SPEF2: variants seen among roughly 807,000 people sequenced by gnomAD.
SPEF2 encodes sperm flagella and cilia-associated protein 2.
A neutral mutation model predicts 224.6 loss-of-function variants in SPEF2; 187 were observed. The observed-to-expected ratio is 0.83, with a 90% CI of 0.74 to 0.94. SPEF2 has a LOEUF of 0.94. Among genes scored for constraint, SPEF2 ranks in the 40% least tolerant of loss-of-function variants. SPEF2 has a pLI of 0.00. For synonymous variants in SPEF2, 715 were observed against 707.3 expected (o/e 1.01, Z -0.17); for missense variants, 2,170 against 2,135.6 (o/e 1.02, Z -0.32).
chr5:35,624,266 A>G (rs1263895294), intron 1 of SPEF2, among the ~76,000 whole-genome samples: 1 of 152,242 alleles, frequency 6.6e-6, no homozygotes, highest in Non-Finnish European at 1.5e-5. Flanking sequence ...GGCTGAGAAG[A>G]TTAGAGGCAG....
At chr5:35,657,944 C>T (rs1749176811) in intron 7 of SPEF2, among the ~76,000 whole-genome samples, 1 of 152,208 alleles carries the variant, frequency 6.6e-6, no homozygotes, top group Admixed American at 6.5e-5. Flanking sequence ...TCCTGCAGTG[C>T]CCTATTCCTC....
chr5:35,805,681 A>C (rs1757966226), intron 34 of SPEF2, among the ~76,000 whole-genome samples: 1 of 152,228 alleles, frequency 6.6e-6, no homozygotes, highest in Non-Finnish European at 1.5e-5. Flanking sequence ...GAATGTAAGA[A>C]GCACAAAGCA....
At position 35,712,796 on chromosome 5, in the gene SPEF2, G is replaced by A. The variant is rs1741436440; in HGVS notation, c.2840-16G>A. ...AGTAAATCATCAATGATTTTTGTGT[G>A]TCGAATTTTGTTTAGAAGCCCCGCA... On this transcript the variant is annotated splice_polypyrimidine_tract_variant and intron_variant, in intron 19 of 36. Transcript: ENST00000356031. 1 of 1,613,112 alleles carries A rather than the reference G, an allele frequency of 6.2e-7. No homozygotes were observed. Among genetic ancestry groups the A allele is most frequent in the Admixed American group, 1.7e-5 (1 of 59,942 alleles).
Position 35,622,494 on chromosome 5 carries a change from C to T in SPEF2, c.58+4439C>T, listed in dbSNP as rs557349536. Among the ~76,000 whole-genome samples the T allele has an allele frequency of 8.5e-5, 13 of 152,288 alleles. No homozygotes were observed. In the South Asian group the frequency reaches 2.1e-3, roughly 24 times the overall value. Reference sequence around the variant, plus strand: ...TGGACATCATTTAATTCTTCTTTAGCAGATGAGGAAATCTAATCAGATGTG... The same window carrying T: ...TGGACATCATTTAATTCTTCTTTAGTAGATGAGGAAATCTAATCAGATGTG... On this transcript the variant is annotated intron_variant, in intron 1 of 36. Transcript: ENST00000356031.
At position 35,646,653 on chromosome 5, in the gene SPEF2, T is replaced by C. The variant is rs1216093814; in HGVS notation, c.586-14T>C. On this transcript the variant is annotated splice_polypyrimidine_tract_variant and intron_variant, in intron 4 of 36. Coordinates refer to ENST00000356031, the MANE Select transcript of SPEF2 (RefSeq NM_024867.4). The stretch of plus-strand genomic sequence containing the variant: ...TATTCTGAATCACTAAACTAATGTA[T>C]ATGGGATATTCAGCAATACTTAAAC... 3.7e-6 allele frequency: 6 copies of C among 1,611,706 alleles called. No homozygotes were observed. The highest frequency in any genetic ancestry group is 1.3e-5 in the African/African-American group (1 of 74,786).
intron 27 of SPEF2, 151 bp downstream of exon 27, chr5:35,771,907 G>T: frequency 1.0e-6 from 1 of 1,002,862 alleles, no homozygotes; most frequent in Non-Finnish European, 1.4e-6. Flanking sequence ...ATGATTTGTG[G>T]TGTTAGTGGC....
intron 10 of SPEF2, among the ~76,000 whole-genome samples, chr5:35,689,660 A>G (rs908230990): frequency 2.6e-5 from 4 of 152,120 alleles, no homozygotes; most frequent in African/African-American, 4.8e-5. Context: ...AGCTGCACCC[A>G]TATTGCTGCT....
chr5:35,635,054 T>A (rs1452367598), intron 2 of SPEF2, among the ~76,000 whole-genome samples: 1 of 152,078 alleles, frequency 6.6e-6, no homozygotes, highest in Non-Finnish European at 1.5e-5. Context: ...CAGGTGGAAT[T>A]TCTCTGATGT....
intron 12 of SPEF2, among the ~76,000 whole-genome samples, chr5:35,693,839 G>A (rs1212035362): frequency 6.6e-6 from 1 of 152,080 alleles, no homozygotes; most frequent in Non-Finnish European, 1.5e-5. Context: ...TTTATGGTGG[G>A]CTATCTCTTC....
intron 23 of SPEF2, among the ~76,000 whole-genome samples, chr5:35,743,691 CT>C (rs5867286): frequency 0.27 from 40,021 of 149,928 alleles, 5,774 homozygotes; most frequent in Non-Finnish European, 0.33. Context: ...CACTCTATTC[CT>C]TTTTTTTTTA....
chr5:35,619,455 G>A (rs998913700), intron 1 of SPEF2, among the ~76,000 whole-genome samples: 1 of 152,104 alleles, frequency 6.6e-6, no homozygotes, highest in Admixed American at 6.5e-5. Context: ...GGCCGAGGTG[G>A]GCAGATCATG....
chr5:35,764,273 G>A (rs1340156655), intron 26 of SPEF2, among the ~76,000 whole-genome samples: 1 of 151,972 alleles, frequency 6.6e-6, no homozygotes, highest in Non-Finnish European at 1.5e-5. Flanking sequence ...AGTTACCTAT[G>A]GGGTAAGTAT....
Position 35,675,761 on chromosome 5 carries a change from G to T in SPEF2, c.1524+5534G>T, listed in dbSNP as rs137898392. On this transcript the variant is annotated intron_variant, in intron 10 of 36. Transcript: ENST00000356031. ...CTTATTTGTAGTAATCAAGCACACT[G>T]ATTCTAACTTAACAGAGCAGAACAT... is the stretch of plus-strand genomic sequence containing the variant. 44 of 338,032 alleles carry T rather than the reference G, an allele frequency of 1.3e-4. No individual in the cohort carries two copies. In the East Asian group the frequency reaches 1.3e-3, roughly 10 times the overall value. 20.9% of individuals were successfully genotyped at this position (338,032 alleles called of 1,614,324 possible).
At chr5:35,669,580 T>G (rs1750951126) in intron 9 of SPEF2, among the ~76,000 whole-genome samples, 1 of 152,154 alleles carries the variant, frequency 6.6e-6, no homozygotes. Flanking sequence ...TAATAGCTAG[T>G]AAAATGTCCG....
At chr5:35,765,403 T>C (rs1044677456) in intron 26 of SPEF2, among the ~76,000 whole-genome samples, 1 of 152,200 alleles carries the variant, frequency 6.6e-6, no homozygotes, top group Non-Finnish European at 1.5e-5. Flanking sequence ...TGAATGCTTG[T>C]ACATGTCTCC....
At chr5:35,713,485 C>A (rs1741624492) in intron 20 of SPEF2, among the ~76,000 whole-genome samples, 1 of 151,634 alleles carries the variant, frequency 6.6e-6, no homozygotes, top group Non-Finnish European at 1.5e-5. Context: ...CCTGTAATCC[C>A]ATCAGTTTGG....
rs1349853052 is a variant in SPEF2 at position 35,644,477 on chromosome 5, A to C, written c.537A>C (p.Glu179Asp). The C allele has an allele frequency of 5.6e-6, 9 of 1,606,400 alleles. No homozygotes were observed. In the Admixed American group the frequency reaches 1.4e-4, roughly 25 times the overall value. Reference sequence around the variant, plus strand: ...CCCATTTGCATTTTGAGAAACTTGAAAGATTTCAAAAACTCAAGGAAGAGC... The same window carrying C: ...CCCATTTGCATTTTGAGAAACTTGACAGATTTCAAAAACTCAAGGAAGAGC... ...DLAHLHFEKL[E>D]RFQKLKEEQR... Residue 179 changes from glutamate to aspartate, a missense_variant, in exon 4 of 37, where the codon GAA (glutamate) becomes GAC (aspartate). Coordinates refer to ENST00000356031, the MANE Select transcript of SPEF2 (RefSeq NM_024867.4).
intron 2 of SPEF2, among the ~76,000 whole-genome samples, chr5:35,629,437 G>A (rs1335390243): frequency 1.3e-5 from 2 of 151,990 alleles, no homozygotes; most frequent in Non-Finnish European, 2.9e-5. Context: ...GATTACAGGT[G>A]TGAGCCACCG....
rs1561077049 is a variant in SPEF2, at chr5:35,617,880, C to T, written c.-118C>T. 5.1e-6 allele frequency: 5 copies of T among 974,492 alleles called. No individual in the cohort carries two copies. Among genetic ancestry groups the T allele is most frequent in the Non-Finnish European group, 8.0e-6 (5 of 624,130 alleles). The allele number at this position is 974,492 out of a possible 1,614,324, so 60.4% of individuals were successfully genotyped here. A position where few individuals can be genotyped will look rare whatever the true frequency, so the allele number is the denominator to read the frequency against. Reference sequence around the variant, plus strand: ...TCTAAGGCCTTTCGCCTAGTTCCAGCCTGGATACGCTTCCATAGCAAAGGG... The same window carrying T: ...TCTAAGGCCTTTCGCCTAGTTCCAGTCTGGATACGCTTCCATAGCAAAGGG... On this transcript the variant is annotated 5_prime_UTR_variant, in exon 1 of 37. Coordinates refer to ENST00000356031, the MANE Select transcript of SPEF2 (RefSeq NM_024867.4).
Sources: gnomAD v4.1 joint callset for allele counts (sites outside exome capture counted in the v4.1 genomes callset) on GRCh38, gnomAD v4.1.1 for gene constraint, MANE v1.5 for transcripts, NCBI Gene and HGNC (gene_info 2026-07-23, HGNC 2026-07-21) for gene names.